The following PDE11A variants were observed in gnomAD, a reference collection of about 807,000 sequenced individuals.
PDE11A encodes the protein dual 3',5'-cyclic-AMP and -GMP phosphodiesterase 11A.
Under a neutral mutation model 100.5 loss-of-function variants are expected in PDE11A, and 100 were observed. The observed-to-expected ratio is 1.00, with a 90% CI of 0.85 to 1.18. PDE11A has a LOEUF of 1.18. PDE11A is among the 50% of genes most tolerant of loss of function. The pLI is 0.00. For synonymous variants in PDE11A, 381 were observed against 420.8 expected (o/e 0.91, Z 1.16); for missense variants, 1,141 against 1,152.6 (o/e 0.99, Z 0.15).
chr2:177,933,549 C>T (rs2085235627), intron 2 of PDE11A, among the ~76,000 whole-genome samples: 1 of 152,200 alleles, frequency 6.6e-6, no homozygotes, highest in South Asian at 2.1e-4. Context: ...GGCATGATGG[C>T]TTGCACCTAT....
intron 12 of PDE11A, among the ~76,000 whole-genome samples, chr2:177,714,884 C>T (rs2081413466): frequency 6.6e-6 from 1 of 152,068 alleles, no homozygotes; most frequent in African/African-American, 2.4e-5. Context: ...GGACTCCTTC[C>T]TGCAGCCTGA....
At position 177,957,261 on chromosome 2, in the gene PDE11A, A is replaced by G. The variant is rs186464794; in HGVS notation, c.1072-52074T>C. Among the ~76,000 whole-genome samples, 237 of 152,214 alleles carry G rather than the reference A, an allele frequency of 1.6e-3. 2 individuals are homozygous for G. The highest frequency in any genetic ancestry group is 2.8e-3 in the Non-Finnish European group (193 of 68,010). On this transcript the variant is annotated intron_variant, in intron 2 of 19. Coordinates refer to ENST00000286063, the MANE Select transcript of PDE11A (RefSeq NM_016953.4). ...TATATAATATATGCTATTTTTTCCC[A>G]ACAAAAAAGGATAAAGAAGATGGCA... is the stretch of plus-strand genomic sequence containing the variant.
At chr2:178,051,262 C>T (rs1423232634) in intron 1 of PDE11A, among the ~76,000 whole-genome samples, 2 of 152,158 alleles carry the variant, frequency 1.3e-5, no homozygotes, top group Non-Finnish European at 2.9e-5. Context: ...AACTAAGCTT[C>T]ATAAGTGAAG....
chr2:177,746,717 C>T (rs747354347), intron 10 of PDE11A, among the ~76,000 whole-genome samples: 9 of 152,154 alleles, frequency 5.9e-5, no homozygotes, highest in Non-Finnish European at 8.8e-5. Flanking sequence ...CTTCACTTGT[C>T]AGTGTGAGAG....
chr2:177,743,993 A>C (rs2081912069), intron 10 of PDE11A, among the ~76,000 whole-genome samples: 1 of 152,160 alleles, frequency 6.6e-6, no homozygotes, highest in Admixed American at 6.5e-5. Flanking sequence ...CCTGGGGTCC[A>C]CCTGGGGGCT....
intron 4 of PDE11A, among the ~76,000 whole-genome samples, chr2:177,878,987 G>A (rs1375483873): frequency 6.6e-6 from 1 of 152,080 alleles, no homozygotes; most frequent in Non-Finnish European, 1.5e-5. Flanking sequence ...ACTGTTAATT[G>A]TTTCTGCATT....
chr2:177,896,103 A>G (rs2084607511), intron 4 of PDE11A, among the ~76,000 whole-genome samples: 1 of 152,164 alleles, frequency 6.6e-6, no homozygotes, highest in Admixed American at 6.5e-5. Flanking sequence ...TAGTCTTAGA[A>G]TGTTCAGCAG....
chr2:178,066,476 C>G (rs2087045570), intron 1 of PDE11A, among the ~76,000 whole-genome samples: 1 of 152,178 alleles, frequency 6.6e-6, no homozygotes. Flanking sequence ...CCTTGGTTCA[C>G]ATACAGTCTC....
At chr2:178,087,002 T>C (rs928853311) in intron 2 of PDE11A, among the ~76,000 whole-genome samples, 1 of 152,136 alleles carries the variant, frequency 6.6e-6, no homozygotes, top group Non-Finnish European at 1.5e-5. Flanking sequence ...CTATTAACAG[T>C]AGCAAAGATA....
Position 178,071,999 on chromosome 2 carries a change from C to G in PDE11A, c.439G>C (p.Glu147Gln), listed in dbSNP as rs2087139090. 1.2e-6 allele frequency: 2 copies of G among 1,614,152 alleles called. No individual in the cohort carries two copies. Among genetic ancestry groups the G allele is most frequent in the Non-Finnish European group, 1.7e-6 (2 of 1,180,022 alleles). Residue 147 changes from glutamate to glutamine, a missense_variant, in exon 1 of 20, where the codon GAA (glutamate) becomes CAA (glutamine). Transcript: ENST00000286063. Reference sequence around the variant, plus strand: ...CTCCGTCGTACACTACTCAGGGGTTCCTGAGCCCGGGAGGTCACCTGTTCA... The same window carrying G: ...CTCCGTCGTACACTACTCAGGGGTTGCTGAGCCCGGGAGGTCACCTGTTCA... ...YDEQVTSRAQ[E>Q]PLSSVRRRAL...
chr2:177,792,719 C>G (rs2082650169), intron 9 of PDE11A, among the ~76,000 whole-genome samples: 1 of 152,114 alleles, frequency 6.6e-6, no homozygotes. Flanking sequence ...CTGTCTGGAC[C>G]AAGGTTGCTG....
Position 178,071,840 on chromosome 2 carries a change from T to C in PDE11A, c.598A>G (p.Asn200Asp), listed in dbSNP as rs2087135960. Residue 200 changes from asparagine to aspartate, a missense_variant, in exon 1 of 20, where the codon AAT becomes GAT. By Grantham distance (23) the Asn-to-Asp change is conservative. Coordinates refer to ENST00000286063, the MANE Select transcript of PDE11A (RefSeq NM_016953.4). ...IDYKCHLKKH[N>D]ERQFFLELVK... ...AATTCCAGAAAGAACTGACGCTCAT[T>C]ATGCTTTTTCAGATGGCACTTGTAG... 1 of 1,613,954 alleles carries C rather than the reference T, an allele frequency of 6.2e-7. No individual in the cohort carries two copies. Among genetic ancestry groups the C allele is most frequent in the Non-Finnish European group, 8.5e-7 (1 of 1,179,964 alleles).
chr2:177,753,706 C>T (rs554531034), intron 10 of PDE11A, among the ~76,000 whole-genome samples: 1 of 151,618 alleles, frequency 6.6e-6, no homozygotes, highest in African/African-American at 2.4e-5. Context: ...ACACCAAAAG[C>T]CCTAATTCAC....
chr2:177,719,279 C>T (rs1163157591), intron 12 of PDE11A, among the ~76,000 whole-genome samples: 1 of 152,150 alleles, frequency 6.6e-6, no homozygotes, highest in African/African-American at 2.4e-5. Context: ...CCTGTTGATT[C>T]TGAGATGTAG....
At chr2:178,001,275 A>AGTGTGTGTGTGTGTGT (rs57136586) in intron 2 of PDE11A, among the ~76,000 whole-genome samples, 1,493 of 140,732 alleles carry the variant, frequency 0.011, 19 homozygotes, top group East Asian at 0.028. Context: ...ACAATGTGAA[A>AGTGTGTGTGTGTGTGT]GTGTGTGTGT....
At chr2:177,913,053 A>G (rs1192248647) in intron 2 of PDE11A, among the ~76,000 whole-genome samples, 2 of 152,188 alleles carry the variant, frequency 1.3e-5, no homozygotes, top group Non-Finnish European at 2.9e-5. Flanking sequence ...ACCTCTCATA[A>G]TGTTACTAAA....
chr2:177,828,013 A>G (rs920660473), intron 6 of PDE11A, among the ~76,000 whole-genome samples: 33 of 152,378 alleles, frequency 2.2e-4, no homozygotes, highest in Admixed American at 2.1e-3. Flanking sequence ...TATTTCAATA[A>G]TGGTTTTAGA....
At chr2:177,748,517 C>T (rs1359026045) in intron 10 of PDE11A, among the ~76,000 whole-genome samples, 2 of 152,144 alleles carry the variant, frequency 1.3e-5, no homozygotes, top group Admixed American at 6.5e-5. Context: ...GCCTCTGCCT[C>T]CTAGCAACAG....
chr2:177,963,470 C>T (rs2085660457), intron 2 of PDE11A, among the ~76,000 whole-genome samples: 2 of 152,156 alleles, frequency 1.3e-5, no homozygotes, highest in Non-Finnish European at 2.9e-5. Context: ...TGAAAAATGA[C>T]TCCAAGGAAA....
Sources: gnomAD v4.1 joint callset for allele counts (sites outside exome capture counted in the v4.1 genomes callset) on GRCh38, gnomAD v4.1.1 for gene constraint, MANE v1.5 for transcripts, NCBI Gene and HGNC (gene_info 2026-07-23, HGNC 2026-07-21) for gene names.